ACER3: variants seen among roughly 807,000 people sequenced by gnomAD.
The protein encoded by ACER3 is alkCDase 3.
Under a neutral mutation model 48.9 loss-of-function variants are expected in ACER3, and 16 were observed. The observed-to-expected ratio is 0.33, with a 90% CI of 0.22 to 0.50. ACER3 has a LOEUF of 0.50. Ranked by LOEUF, ACER3 falls within the 20% of genes least tolerant of loss-of-function variation. ACER3 has a pLI of 0.98. For missense variants in ACER3, 227 were observed against 326.0 expected, an observed-to-expected ratio of 0.70 and a Z score of 2.34; for synonymous variants, 109 against 107.8, an observed-to-expected ratio of 1.01 and a Z score of -0.07.
intron 1 of ACER3, among the ~76,000 whole-genome samples, chr11:76,924,706 A>G (rs920945089): frequency 6.6e-6 from 1 of 152,160 alleles, no homozygotes; most frequent in Non-Finnish European, 1.5e-5. Context: ...TTACTAAATA[A>G]GTAGTTAGGA....
At chr11:76,892,918 A>G (rs532496951) in intron 1 of ACER3, among the ~76,000 whole-genome samples, 1 of 152,310 alleles carries the variant, frequency 6.6e-6, no homozygotes, top group African/African-American at 2.4e-5. Context: ...AAAAACCTGA[A>G]GACTCTACCG....
At chr11:76,891,430 C>T (rs978256822) in intron 1 of ACER3, among the ~76,000 whole-genome samples, 1 of 152,052 alleles carries the variant, frequency 6.6e-6, no homozygotes, top group Non-Finnish European at 1.5e-5. Flanking sequence ...CAAGGCAGGA[C>T]TCTAATCTGA....
intron 2 of ACER3, among the ~76,000 whole-genome samples, chr11:76,927,683 C>A (rs1468877974): frequency 6.7e-6 from 1 of 150,072 alleles, no homozygotes; most frequent in Non-Finnish European, 1.5e-5. Context: ...TTGTTCAATT[C>A]CCACCTATGA....
intron 2 of ACER3, among the ~76,000 whole-genome samples, chr11:76,939,828 A>G (rs911756664): frequency 2.6e-5 from 4 of 152,220 alleles, no homozygotes; most frequent in African/African-American, 7.2e-5. Flanking sequence ...ATTGTTCCAG[A>G]TTAAAAGAGA....
chr11:76,893,048 AC>A (rs1316045394), intron 1 of ACER3, among the ~76,000 whole-genome samples: 1 of 152,222 alleles, frequency 6.6e-6, no homozygotes, highest in African/African-American at 2.4e-5. Context: ...CAAGAATGCA[AC>A]CTCGTTTATA....
intron 2 of ACER3, among the ~76,000 whole-genome samples, chr11:76,942,480 G>A (rs755093916): frequency 6.6e-6 from 1 of 151,844 alleles, no homozygotes; most frequent in Non-Finnish European, 1.5e-5. Context: ...ATTTGCATAT[G>A]TTGATTTTTG....
intron 2 of ACER3, among the ~76,000 whole-genome samples, chr11:76,933,882 C>G (rs1422752594): frequency 6.6e-6 from 1 of 152,042 alleles, no homozygotes; most frequent in Admixed American, 6.5e-5. Flanking sequence ...GGGCTCCTCA[C>G]TTCTCAGATG....
chr11:76,999,517 C>T (rs1219504903), intron 7 of ACER3, among the ~76,000 whole-genome samples: 1 of 151,916 alleles, frequency 6.6e-6, no homozygotes, highest in Non-Finnish European at 1.5e-5. Context: ...ATTACAATAT[C>T]AAAACCAAGG....
chr11:77,001,356 A>G (rs1178694704), intron 7 of ACER3, among the ~76,000 whole-genome samples: 1 of 152,016 alleles, frequency 6.6e-6, no homozygotes, highest in East Asian at 1.9e-4. Flanking sequence ...CCCAGCTTCA[A>G]GTGATTCTCC....
At chr11:76,997,060 A>G (rs1948929235) in intron 6 of ACER3, among the ~76,000 whole-genome samples, 2 of 152,164 alleles carry the variant, frequency 1.3e-5, no homozygotes, top group Admixed American at 6.5e-5. Context: ...GCTCCTTAAC[A>G]TGACTTGAAA....
At chr11:76,939,524 A>T (rs1275067978) in intron 2 of ACER3, among the ~76,000 whole-genome samples, 1 of 152,186 alleles carries the variant, frequency 6.6e-6, no homozygotes, top group Non-Finnish European at 1.5e-5. Context: ...TGAGTCGAGG[A>T]GGTAGAGGCT....
chr11:76,952,466 G>A (rs1947703391), intron 2 of ACER3, among the ~76,000 whole-genome samples: 1 of 151,730 alleles, frequency 6.6e-6, no homozygotes, highest in South Asian at 2.1e-4. Context: ...CACTAAGTTG[G>A]CCAGGCTGGT....
At chr11:76,971,155 T>TAATG (rs1360693603) in intron 3 of ACER3, among the ~76,000 whole-genome samples, 3 of 152,220 alleles carry the variant, frequency 2.0e-5, no homozygotes, top group African/African-American at 7.2e-5. Flanking sequence ...GTATTATGAA[T>TAATG]AATGAATAAT....
intron 4 of ACER3, among the ~76,000 whole-genome samples, chr11:76,983,234 T>C (rs1050155724): frequency 2.6e-5 from 4 of 151,432 alleles, no homozygotes; most frequent in Non-Finnish European, 3.0e-5. Context: ...TTTATCCAAG[T>C]GACTTTTTGT....
chr11:76,997,334 A>G (rs904550845), intron 6 of ACER3, among the ~76,000 whole-genome samples: 9 of 152,192 alleles, frequency 5.9e-5, no homozygotes, highest in Non-Finnish European at 1.2e-4. Flanking sequence ...AGTTCCTACC[A>G]TAGAGTTATA....
At chr11:76,967,421 C>T (rs1034697770) in intron 3 of ACER3, among the ~76,000 whole-genome samples, 10 of 152,146 alleles carry the variant, frequency 6.6e-5, no homozygotes, top group African/African-American at 2.4e-4. Context: ...CTATTCCAAT[C>T]AATAGAAAAA....
Position 77,019,264 on chromosome 11 carries a change from G to C in ACER3, c.705-467G>C, listed in dbSNP as rs187867807. On this transcript the variant is annotated intron_variant, in intron 9 of 10. Coordinates refer to ENST00000532485, the MANE Select transcript of ACER3 (RefSeq NM_018367.7). ...TCACAAGGTCTGGGGTTCGAGACCA[G>C]CCTGACCAACATGGTGAAACCCCGT... 2.4e-3 allele frequency among the ~76,000 whole-genome samples: 359 copies of C among 152,290 alleles called. 2 individuals are homozygous for C. Among genetic ancestry groups the C allele is most frequent in the Middle Eastern group, 0.01 (3 of 294 alleles).
chr11:76,982,778 T>A (rs1359839912), intron 4 of ACER3, among the ~76,000 whole-genome samples: 1 of 152,240 alleles, frequency 6.6e-6, no homozygotes, highest in Non-Finnish European at 1.5e-5. Flanking sequence ...TTATTTTTTC[T>A]AGAAGTCTTA....
chr11:77,010,758 T>G (rs1259422339), intron 7 of ACER3, among the ~76,000 whole-genome samples: 1 of 152,084 alleles, frequency 6.6e-6, no homozygotes, highest in Non-Finnish European at 1.5e-5. Flanking sequence ...CAGGAATATA[T>G]ACAAAGGATC....
Sources: allele counts gnomAD v4.1 joint callset (sites outside exome capture counted in the v4.1 genomes callset), GRCh38; gene constraint gnomAD v4.1.1; transcripts MANE v1.5; gene names NCBI Gene and HGNC (gene_info 2026-07-23, HGNC 2026-07-21).